ZNF615: variants seen among roughly 807,000 people sequenced by gnomAD.
The protein encoded by ZNF615 is zinc finger protein 615.
A neutral mutation model predicts 15.3 loss-of-function variants in ZNF615; 15 were observed. The ratio of observed to expected loss-of-function variants is 0.98; its 90% CI spans 0.66 to 1.51. ZNF615 has a LOEUF of 1.51. Among genes scored for constraint, ZNF615 ranks in the 40% most tolerant of loss-of-function variants. ZNF615 has a pLI of 0.00. For synonymous variants in ZNF615, 268 were observed against 294.6 expected, an observed-to-expected ratio of 0.91 and a Z score of 0.92; for missense variants, 848 against 895.9, an observed-to-expected ratio of 0.95 and a Z score of 0.68.
At position 51,994,215 on chromosome 19, in the gene ZNF615, A is replaced by C; in HGVS notation, c.894T>G (p.Pro298=). The part of the protein sequence containing the change: ...IHQKTHMGGK[P]YTCSQCGKAF... ...CTTTCCCACATTGGCTACATGTGTAAGGTTTCCCTCCCATATGAGTTTTCT... is the reference window on the plus strand; with the variant it reads ...CTTTCCCACATTGGCTACATGTGTACGGTTTCCCTCCCATATGAGTTTTCT... The change falls in exon 7 of 7, where the codon CCT becomes CCG. Residue 298 remains proline, a synonymous_variant. Coordinates refer to ENST00000598071, the MANE Select transcript of ZNF615 (RefSeq NM_001199324.2). The C allele has an allele frequency of 1.2e-6, 2 of 1,613,932 alleles. No homozygotes were observed. Among genetic ancestry groups the C allele is most frequent in the South Asian group, 2.2e-5 (2 of 91,070 alleles).
At chr19:52,002,521 C>T (rs1412755743) in intron 3 of ZNF615, 3 of 596,776 alleles carry the variant, frequency 5.0e-6, no homozygotes, top group Middle Eastern at 2.6e-4. Context: ...AATCCTCTTG[C>T]TAATGAAAGA....
Position 51,994,640 on chromosome 19 carries a change from G to T in ZNF615, c.469C>A (p.Gln157Lys). 1 of 1,612,818 alleles carries T rather than the reference G, an allele frequency of 6.2e-7. No homozygotes were observed. The highest frequency in any genetic ancestry group is 8.5e-7 in the Non-Finnish European group (1 of 1,179,858). Residue 157 changes from glutamine to lysine, a missense_variant, in exon 7 of 7, where the codon CAG becomes AAG. Physicochemically the swap from Gln to Lys is moderately conservative, Grantham distance 53. Transcript: ENST00000598071. ...TTCTTTAGGCCAGAGCTCCTTTTCTGGTTTTCAAAACTTAAATTTGATTTT... is the reference window on the plus strand; with the variant it reads ...TTCTTTAGGCCAGAGCTCCTTTTCTTGTTTTCAAAACTTAAATTTGATTTT... ...PLKSNLSFEN[Q>K]KRSSGLKNSA...
At chr19:52,005,475 C>T (rs910294115) in intron 2 of ZNF615, among the ~76,000 whole-genome samples, 17 of 152,154 alleles carry the variant, frequency 1.1e-4, no homozygotes, top group African/African-American at 4.1e-4. Context: ...TCCGTGGCAG[C>T]TACTCAACTC....
intron 2 of ZNF615, among the ~76,000 whole-genome samples, chr19:52,005,219 A>T (rs1248750129): frequency 6.6e-6 from 1 of 152,200 alleles, no homozygotes; most frequent in Non-Finnish European, 1.5e-5. Flanking sequence ...AGATTGTGCC[A>T]TTGCACTCCA....
intron 5 of ZNF615, among the ~76,000 whole-genome samples, chr19:52,001,189 T>G (rs762907697): frequency 6.6e-6 from 1 of 152,008 alleles, no homozygotes; most frequent in Non-Finnish European, 1.5e-5. Context: ...AAATGGAATT[T>G]CATAGCAAGA....
intron 3 of ZNF615, 44 bp downstream of exon 3, chr19:52,003,653 T>C: frequency 6.4e-7 from 1 of 1,560,088 alleles, no homozygotes. Flanking sequence ...ACTTTAAAAA[T>C]ACATTGGAGA....
rs769874458 is a variant in ZNF615, at chr19:51,992,874, A to G, written c.*6T>C. 1.9e-6 allele frequency: 3 copies of G among 1,612,314 alleles called. No homozygotes were observed. The highest frequency in any genetic ancestry group is 1.7e-6 in the Non-Finnish European group (2 of 1,178,614). Reference sequence around the variant, plus strand: ...CTACATCTGGCAAGAGGCTTTCCCAAAATGACTACCTGTGAATTCTCCTGT... The same window carrying G: ...CTACATCTGGCAAGAGGCTTTCCCAGAATGACTACCTGTGAATTCTCCTGT... On this transcript the variant is annotated 3_prime_UTR_variant, in exon 7 of 7. Transcript: ENST00000598071.
At chr19:52,006,829 A>C (rs986940419) in intron 2 of ZNF615, among the ~76,000 whole-genome samples, 27 of 152,162 alleles carry the variant, frequency 1.8e-4, no homozygotes, top group African/African-American at 6.0e-4. Context: ...TATGTTAGGC[A>C]GAGAGAAAAA....
intron 5 of ZNF615, among the ~76,000 whole-genome samples, chr19:52,000,634 A>G (rs1398631702): frequency 1.3e-5 from 2 of 152,180 alleles, no homozygotes; most frequent in East Asian, 3.9e-4. Flanking sequence ...AAAACTTTTA[A>G]AAGTTATGAG....
rs1196610637 is a variant in ZNF615, at chr19:52,003,724, T to C, written c.-13A>G. 1 of 1,612,012 alleles carries C rather than the reference T, an allele frequency of 6.2e-7. No individual in the cohort carries two copies. The highest frequency in any genetic ancestry group is 1.3e-5 in the African/African-American group (1 of 75,012). On this transcript the variant is annotated 5_prime_UTR_variant, in exon 3 of 7. Coordinates refer to ENST00000598071, the MANE Select transcript of ZNF615 (RefSeq NM_001199324.2). ...GGGCCTGCATCATTGTCTCCTAAAT[T>C]TGGGAAATGACTGCTAACTTGGACG...
At position 52,003,802 on chromosome 19, in the gene ZNF615, A is replaced by G; in HGVS notation, c.-91T>C. 5 of 1,583,904 alleles carry G rather than the reference A, an allele frequency of 3.2e-6. No individual in the cohort carries two copies. The highest frequency in any genetic ancestry group is 4.3e-6 in the Non-Finnish European group (5 of 1,167,274). Reference sequence around the variant, plus strand: ...TCTAAATTTCGGTTCAAAAACTTCAATCTCCAATCAAGGATGTCCCCAGAA... The same window carrying G: ...TCTAAATTTCGGTTCAAAAACTTCAGTCTCCAATCAAGGATGTCCCCAGAA... On this transcript the variant is annotated 5_prime_UTR_variant, in exon 3 of 7. Coordinates refer to ENST00000598071, the MANE Select transcript of ZNF615 (RefSeq NM_001199324.2).
chr19:52,008,180 T>C lies in ZNF615; in HGVS notation c.-267A>G. The C allele has an allele frequency of 6.5e-7, 1 of 1,535,432 alleles. No homozygotes were observed. Among genetic ancestry groups the C allele is most frequent in the Non-Finnish European group, 8.7e-7 (1 of 1,146,712 alleles). On this transcript the variant is annotated 5_prime_UTR_variant, in exon 1 of 7. Transcript: ENST00000598071. ...TGGGCTCCGGCCTCATCTCTCGGCC[T>C]CCTCAGTGCCTGACGGCGACTATCC...
intron 6 of ZNF615, among the ~76,000 whole-genome samples, chr19:51,997,199 C>G (rs2086465072): frequency 6.6e-6 from 1 of 151,866 alleles, no homozygotes; most frequent in South Asian, 2.1e-4. Flanking sequence ...GTAGTCCCAG[C>G]TAGGCTAAAG....
At chr19:52,005,987 T>C (rs1215235303) in intron 2 of ZNF615, among the ~76,000 whole-genome samples, 2 of 152,208 alleles carry the variant, frequency 1.3e-5, no homozygotes, top group African/African-American at 4.8e-5. Context: ...GCAGAACCTT[T>C]CTTGGGAACA....
intron 2 of ZNF615, 83 bp from the exon 3 acceptor site, chr19:52,003,983 G>C: frequency 1.0e-6 from 1 of 967,312 alleles, no homozygotes; most frequent in Non-Finnish European, 1.3e-6. Context: ...CTTAAATCAA[G>C]GCCCCCAAAT....
intron 2 of ZNF615, among the ~76,000 whole-genome samples, chr19:52,006,650 G>T (rs1436549374): frequency 2.0e-5 from 3 of 152,020 alleles, no homozygotes; most frequent in Non-Finnish European, 2.9e-5. Flanking sequence ...TACCAAAATC[G>T]ACAACAAATA....
intron 1 of ZNF615, 90 bp downstream of exon 1, chr19:52,008,051 C>T: frequency 8.0e-7 from 1 of 1,242,276 alleles, no homozygotes; most frequent in African/African-American, 1.5e-5. Context: ...CGACAGATAC[C>T]AGTCCATCAC....
intron 6 of ZNF615, among the ~76,000 whole-genome samples, chr19:51,995,294 A>C (rs1054764435): frequency 6.6e-6 from 1 of 152,234 alleles, no homozygotes; most frequent in Non-Finnish European, 1.5e-5. Flanking sequence ...CTGTACAAAC[A>C]AGGCTAGATA....
At position 51,996,385 on chromosome 19, in the gene ZNF615, C is replaced by CAAAAAAAAAAAAAAAA. The variant is rs1172310589; in HGVS notation, c.272-1564_272-1549dup. Among the ~76,000 whole-genome samples the CAAAAAAAAAAAAAAAA allele has an allele frequency of 1.6e-3, 54 of 33,308 alleles. 1 individual carries two copies. The highest frequency in any genetic ancestry group is 4.2e-3 in the African/African-American group (35 of 8,356). The allele number at this position is 33,308 out of a possible 152,430, so 21.9% of individuals were successfully genotyped here. A position where few individuals can be genotyped will look rare whatever the true frequency, so the allele number is the denominator to read the frequency against. Reference sequence around the variant, plus strand: ...GGGGTGACACAGCAAGACTCTGTCTCAAAAAAAAAAAAAAAAAAAAAAACG... The same window carrying CAAAAAAAAAAAAAAAA: ...GGGGTGACACAGCAAGACTCTGTCTCAAAAAAAAAAAAAAAAAAAAAAAAAAAAAAAAAAAAAAACG... On this transcript the variant is annotated intron_variant, in intron 6 of 6. Transcript: ENST00000598071.
Sources: allele counts gnomAD v4.1 joint callset (sites outside exome capture counted in the v4.1 genomes callset), GRCh38; gene constraint gnomAD v4.1.1; transcripts MANE v1.5; gene names NCBI Gene and HGNC (gene_info 2026-07-23, HGNC 2026-07-21).